Variants in ABHD14B observed in about 807,000 individuals in gnomAD.
ABHD14B encodes abhydrolase domain containing 14B.
Under a neutral mutation model 15.4 loss-of-function variants are expected in ABHD14B, and 19 were observed. That is an observed-to-expected ratio of 1.23 (90% CI 0.86 to 1.81). ABHD14B has a LOEUF of 1.81. ABHD14B is among the 40% of genes most tolerant of loss of function. The pLI is 0.00. For missense variants in ABHD14B, 243 were observed against 267.0 expected (o/e 0.91, Z 0.63); for synonymous variants, 92 against 117.3 (o/e 0.78, Z 1.39).
chr3:51,974,397 G>A, upstream of ABHD14B: 1 of 267,472 alleles, frequency 3.7e-6, no homozygotes. Flanking sequence ...TTGAGTGCGA[G>A]GCTCCGCCAG....
upstream of ABHD14B, chr3:51,974,512 G>A (rs1163136314): frequency 5.2e-6 from 1 of 191,204 alleles, no homozygotes; most frequent in African/African-American, 2.4e-5. Flanking sequence ...GCAATAAGCA[G>A]TAAACGCCAC....
At position 51,970,098 on chromosome 3, in the gene ABHD14B, A is replaced by G; in HGVS notation, c.298T>C (p.Leu100=). ...ATCACAACCGGGGGGCCCAGCTCCA[A>G]GGCATCCACCACAGCCGCCAGGAAG... The part of the protein sequence containing the change: ...GSFLAAVVDA[L]ELGPPVVISP... The change falls in exon 3 of 4, where the codon TTG becomes CTG. Residue 100 remains leucine (L), a synonymous_variant. Transcript: ENST00000361143. The G allele has an allele frequency of 6.3e-7, 1 of 1,597,552 alleles. No homozygotes were observed. Among genetic ancestry groups the G allele is most frequent in the Non-Finnish European group, 8.5e-7 (1 of 1,170,400 alleles).
At chr3:51,972,628 A>G (rs1377263826) in intron 1 of ABHD14B, among the ~76,000 whole-genome samples, 1 of 147,984 alleles carries the variant, frequency 6.8e-6, no homozygotes, top group Non-Finnish European at 1.5e-5. Context: ...TAAAACCTCA[A>G]TATGTGGTGG....
chr3:51,973,538 G>A (rs55811015), intron 1 of ABHD14B: 1 of 129,060 alleles, frequency 7.7e-6, no homozygotes, highest in South Asian at 1.5e-4. Context: ...TTTTTTAAGA[G>A]AAGATGTCTC....
Position 51,971,403 on chromosome 3 carries a change from G to T in ABHD14B, c.211+57C>A, listed in dbSNP as rs767631815. On this transcript the variant is annotated intron_variant, in intron 2 of 3. Transcript: ENST00000361143. Reference sequence around the variant, plus strand: ...AGGGGCTACATGTTATAGGAACCTGGCCCTGTCCCTAATGAGACCTCCCCA... The same window carrying T: ...AGGGGCTACATGTTATAGGAACCTGTCCCTGTCCCTAATGAGACCTCCCCA... The T allele has an allele frequency of 1.9e-4, 274 of 1,464,262 alleles. 1 individual carries two copies. The highest frequency in any genetic ancestry group is 6.8e-4 in the Middle Eastern group (3 of 4,430). The allele number at this position is 1,464,262 out of a possible 1,614,324, so 90.7% of individuals were successfully genotyped here.
chr3:51,973,114 C>T (rs1440293299), intron 1 of ABHD14B, among the ~76,000 whole-genome samples: 1 of 148,928 alleles, frequency 6.7e-6, no homozygotes, highest in African/African-American at 2.5e-5. Flanking sequence ...GGCACATCTC[C>T]GCTCACTGCA....
chr3:51,970,352 A>G (rs1439498316), intron 2 of ABHD14B, among the ~76,000 whole-genome samples, 168 bp from the exon 3 acceptor site: 1 of 152,202 alleles, frequency 6.6e-6, no homozygotes, highest in Non-Finnish European at 1.5e-5. Flanking sequence ...ATTCTATCTT[A>G]TCGTGCCAAG....
In ABHD14B at chr3:51,970,058, C is replaced by G. The variant is rs1271124141; in HGVS notation, c.338G>C (p.Ser113Thr). 6.2e-7 allele frequency: 1 copy of G among 1,613,808 alleles called. No homozygotes were observed. Among genetic ancestry groups the G allele is most frequent in the East Asian group, 2.2e-5 (1 of 44,880 alleles). ...GPPVVISPSL[S>T]GMYSLPFLTA... ...GAGGAAGGGCAGGGAGTACATGCCA[C>G]TCAGTGATGGACTGATCACAACCGG... The change falls in exon 3 of 4, where the codon AGT (serine) becomes ACT (threonine). Residue 113 changes from serine to threonine, a missense_variant. Transcript: ENST00000361143.
chr3:51,973,051 T>G (rs1577710914), intron 1 of ABHD14B, among the ~76,000 whole-genome samples: 1 of 144,874 alleles, frequency 6.9e-6, no homozygotes, highest in Non-Finnish European at 1.5e-5. Context: ...CTAATTTTTT[T>G]TTTTTTTTTT....
chr3:51,973,872 G>T (rs1038933669), intron 1 of ABHD14B, 93 bp downstream of exon 1: 1 of 1,289,792 alleles, frequency 7.8e-7, no homozygotes, highest in Non-Finnish European at 1.0e-6. Context: ...CTCCCAAGGA[G>T]GGGACCCAGG....
In ABHD14B at chr3:51,971,619, C is replaced by T; in HGVS notation, c.52G>A (p.Ala18Thr). The T allele has an allele frequency of 6.2e-7, 1 of 1,613,210 alleles. No homozygotes were observed. The highest frequency in any genetic ancestry group is 8.5e-7 in the Non-Finnish European group (1 of 1,179,846). The change falls in exon 2 of 4, where the codon GCC (alanine) becomes ACC (threonine). Residue 18 changes from alanine to threonine, a missense_variant. Coordinates refer to ENST00000361143, the MANE Select transcript of ABHD14B (RefSeq NM_001146314.2). ...REGTIQVQGQ[A>T]LFFREALPGS... ...GGCAGGGCCTCTCGGAAGAAGAGGG[C>T]CTGGCCCTGCACCTGGATGGTGCCC...
chr3:51,970,295 G>T, intron 2 of ABHD14B, 111 bp from the exon 3 acceptor site: 1 of 1,434,018 alleles, frequency 7.0e-7, no homozygotes. Flanking sequence ...CTGTGGCCAG[G>T]TTCCTGTAAC....
chr3:51,970,847 C>A (rs558912880), intron 2 of ABHD14B: 2 of 455,070 alleles, frequency 4.4e-6, no homozygotes, highest in South Asian at 1.6e-5. Context: ...TCCTTTCACA[C>A]CTGGCACCGA....
Position 51,971,688 on chromosome 3 carries a change from T to C in ABHD14B, c.-18A>G, listed in dbSNP as rs1577709627. 2 of 1,609,112 alleles carry C rather than the reference T, an allele frequency of 1.2e-6. No homozygotes were observed. Among genetic ancestry groups the C allele is most frequent in the African/African-American group, 2.7e-5 (2 of 74,972 alleles). Reference sequence around the variant, plus strand: ...GCTGCCATGCCTGCTGCTGCTGTGCTGGTGAAGGGCCTGTGGTTCAAAACC... The same window carrying C: ...GCTGCCATGCCTGCTGCTGCTGTGCCGGTGAAGGGCCTGTGGTTCAAAACC... On this transcript the variant is annotated 5_prime_UTR_variant, in exon 2 of 4. Coordinates refer to ENST00000361143, the MANE Select transcript of ABHD14B (RefSeq NM_001146314.2).
intron 1 of ABHD14B, among the ~76,000 whole-genome samples, chr3:51,972,258 C>T (rs1386370991): frequency 7.3e-6 from 1 of 136,240 alleles, no homozygotes; most frequent in Non-Finnish European, 1.6e-5. Context: ...AAAAAAAGAG[C>T]CAGCTGATGG....
chr3:51,970,644 A>G lies in ABHD14B; in HGVS notation c.212-460T>C, dbSNP rs911310532. 6.5e-6 allele frequency: 3 copies of G among 458,546 alleles called. No individual in the cohort carries two copies. The Admixed American group carries it at 7.0e-5, about 11-fold the overall frequency. 28.4% of individuals were successfully genotyped at this position (458,546 alleles called of 1,614,324 possible). On this transcript the variant is annotated intron_variant, in intron 2 of 3. Coordinates refer to ENST00000361143, the MANE Select transcript of ABHD14B (RefSeq NM_001146314.2). ...GGGACAAGAGAGGCTCCTGAAGGAC[A>G]GCAGCTGAGGGGTCGGTTCTGCAGC...
chr3:51,970,481 A>G, intron 2 of ABHD14B: 4 of 602,214 alleles, frequency 6.6e-6, no homozygotes, highest in Non-Finnish European at 9.3e-6. Flanking sequence ...TTTATTGTCT[A>G]TGTGACCTTG....
chr3:51,974,146 G>C, upstream of ABHD14B: 1 of 923,676 alleles, frequency 1.1e-6, no homozygotes, highest in Non-Finnish European at 1.5e-6. Context: ...CGCTAAACTC[G>C]TTCTCACAGC....
chr3:51,974,179 T>A, upstream of ABHD14B: 1 of 652,236 alleles, frequency 1.5e-6, no homozygotes, highest in Non-Finnish European at 2.3e-6. Flanking sequence ...CCAAAGCCTC[T>A]CGGTCTCACA....
Sources: gnomAD v4.1 joint callset for allele counts (sites outside exome capture counted in the v4.1 genomes callset) on GRCh38, gnomAD v4.1.1 for gene constraint, MANE v1.5 for transcripts, NCBI Gene and HGNC (gene_info 2026-07-23, HGNC 2026-07-21) for gene names.